The following ADCY10 variants were observed in gnomAD, a reference collection of about 807,000 sequenced individuals.
ADCY10 encodes adenylate cyclase 10.
ADCY10 carries 156 observed loss-of-function variants against 183.3 expected under a neutral mutation model. The ratio of observed to expected loss-of-function variants is 0.85; its 90% confidence interval spans 0.75 to 0.97. ADCY10 has a LOEUF of 0.97. Among genes scored for constraint, ADCY10 ranks in the 50% least tolerant of loss-of-function variants. ADCY10 has a pLI of 0.00. For missense variants in ADCY10, 1,745 were observed against 1,934.3 expected (o/e 0.90, Z 1.84); for synonymous variants, 645 against 670.0 (o/e 0.96, Z 0.58).
chr1:167,850,695 G>GTA (rs1558185268), intron 18 of ADCY10, among the ~76,000 whole-genome samples: 3 of 142,108 alleles, frequency 2.1e-5, no homozygotes, highest in Admixed American at 7.4e-5. Context: ...GTGTGTGTGT[G>GTA]TGTGTGTGTG....
At chr1:167,818,829 T>C (rs992338691) in intron 30 of ADCY10, among the ~76,000 whole-genome samples, 1 of 152,136 alleles carries the variant, frequency 6.6e-6, no homozygotes, top group African/African-American at 2.4e-5. Context: ...TGTGCCACCA[T>C]GCCCGGCCAC....
chr1:167,878,385 C>T, intron 12 of ADCY10, 61 bp downstream of exon 12: 1 of 1,562,342 alleles, frequency 6.4e-7, no homozygotes. Context: ...GACTGCTTTG[C>T]TATCATAATT....
At chr1:167,862,526 G>T (rs1204776740) in intron 14 of ADCY10, among the ~76,000 whole-genome samples, 1 of 152,118 alleles carries the variant, frequency 6.6e-6, no homozygotes, top group Non-Finnish European at 1.5e-5. Context: ...AAGATGCCTT[G>T]ATCTCAGACT....
chr1:167,870,857 C>T (rs1399754864), intron 13 of ADCY10, among the ~76,000 whole-genome samples: 1 of 150,722 alleles, frequency 6.6e-6, no homozygotes, highest in Admixed American at 6.6e-5. Flanking sequence ...CACAGACTTT[C>T]TTCAAGCCTT....
intron 18 of ADCY10, among the ~76,000 whole-genome samples, chr1:167,851,368 G>T (rs559371369): frequency 6.6e-6 from 1 of 151,916 alleles, no homozygotes; most frequent in Non-Finnish European, 1.5e-5. Flanking sequence ...TGTATTTTTA[G>T]TAGAGATGGG....
chr1:167,831,795 A>C (rs749125623), intron 25 of ADCY10, among the ~76,000 whole-genome samples: 1 of 152,180 alleles, frequency 6.6e-6, no homozygotes, highest in Non-Finnish European at 1.5e-5. Flanking sequence ...ATATGTCCTA[A>C]ATATTTCATA....
rs1417723662 is a variant in ADCY10, at chr1:167,896,620, A to G, written c.714T>C (p.His238=). The stretch of plus-strand genomic sequence containing the variant: ...TTTTGTGCTCACCAGAAGGATAATA[A>G]TGCATGAAGGTCGTACACTTTGTGA... ...EFFTKCTTFM[H]YYPSGEHKNL... Residue 238 remains histidine, a synonymous_variant, in exon 7 of 33, where the codon CAT becomes CAC. Transcript: ENST00000367851. 1 of 1,613,506 alleles carries G rather than the reference A, an allele frequency of 6.2e-7. No individual in the cohort carries two copies.
At position 167,824,567 on chromosome 1, in the gene ADCY10, G is replaced by A. The variant is rs1663137907; in HGVS notation, c.3961C>T (p.Arg1321Ter). 1.2e-6 allele frequency: 2 copies of A among 1,614,130 alleles called. No individual in the cohort carries two copies. Among genetic ancestry groups the A allele is most frequent in the African/African-American group, 1.3e-5 (1 of 75,024 alleles). Residue 1321 changes from arginine (R) to a stop codon, truncating the protein, a stop_gained, in exon 28 of 33, where the codon CGA (arginine) becomes TGA (stop). Transcript: ENST00000367851. LOFTEE classifies it high-confidence loss of function. ...AGCAGTGCCCACATCTGAAGGGCTC[G>A]GGAGCCTGGGAAGAAAACAATTCCA... The part of the protein sequence containing the change: ...HLDLAIELGS[R>*]ALQMWALLQN...
At position 167,833,162 on chromosome 1, in the gene ADCY10, C is replaced by T. The variant is rs370900293; in HGVS notation, c.3418G>A (p.Val1140Ile). ...SATFYSLKGE[V>I]CFNMGQIVLA... ...ACTATCTGGCCCATATTGAAACAGACCTACAGGGAGGTGGGAGGGAAGAGA... is the reference window on the plus strand; with the variant it reads ...ACTATCTGGCCCATATTGAAACAGATCTACAGGGAGGTGGGAGGGAAGAGA... The change falls in exon 25 of 33, where the codon GTC (valine) becomes ATC (isoleucine). Residue 1140 changes from valine (V) to isoleucine (I), a missense_variant and splice_region_variant. By Grantham distance (29) the Val-to-Ile change is conservative. Transcript: ENST00000367851. 1.9e-6 allele frequency: 3 copies of T among 1,613,922 alleles called. No homozygotes were observed. The African/African-American group carries it at 4.0e-5, about 22-fold the overall frequency.
In ADCY10 at chr1:167,901,815, G is replaced by C. The variant is rs1316478022; in HGVS notation, c.293-10C>G. The C allele has an allele frequency of 1.2e-6, 2 of 1,614,060 alleles. No individual in the cohort carries two copies. Among genetic ancestry groups the C allele is most frequent in the Admixed American group, 1.7e-5 (1 of 60,008 alleles). The stretch of plus-strand genomic sequence containing the variant: ...GCTAGCAGTGCATCACCTTCAGAGA[G>C]AGACATGCCGCGGGCTTTTGACCTG... On this transcript the variant is annotated splice_polypyrimidine_tract_variant and intron_variant, in intron 4 of 32. Coordinates refer to ENST00000367851, the MANE Select transcript of ADCY10 (RefSeq NM_018417.6).
At chr1:167,860,363 G>T (rs1259772748) in intron 15 of ADCY10, among the ~76,000 whole-genome samples, 1 of 152,200 alleles carries the variant, frequency 6.6e-6, no homozygotes, top group African/African-American at 2.4e-5. Context: ...AGAATCTAAT[G>T]CTGCTGCTGA....
chr1:167,889,671 G>A (rs1571415464), intron 8 of ADCY10, among the ~76,000 whole-genome samples: 1 of 152,258 alleles, frequency 6.6e-6, no homozygotes, highest in African/African-American at 2.4e-5. Context: ...CAAGTCTTTG[G>A]TAGAATTCAG....
chr1:167,841,502 CT>C (rs71100905), intron 21 of ADCY10, among the ~76,000 whole-genome samples: 259 of 90,896 alleles, frequency 2.8e-3, no homozygotes, highest in East Asian at 0.015. Flanking sequence ...ATATGCTTTC[CT>C]TTTTTTTTTT....
At position 167,856,434 on chromosome 1, in the gene ADCY10, C is replaced by G. The variant is rs146639825; in HGVS notation, c.1902G>C (p.Val634=). 1 of 1,614,042 alleles carries G rather than the reference C, an allele frequency of 6.2e-7. No homozygotes were observed. The highest frequency in any genetic ancestry group is 1.3e-5 in the African/African-American group (1 of 74,914). ...TGATAAAAATAATCCTTTCCTCTTTCACTATCTGGACAAGATGCAGAAAGA... is the reference window on the plus strand; with the variant it reads ...TGATAAAAATAATCCTTTCCTCTTTGACTATCTGGACAAGATGCAGAAAGA... ...ILFMKILKLI[V]KEERIIFIID... Residue 634 remains valine, a synonymous_variant, in exon 17 of 33, where the codon GTG becomes GTC. Transcript: ENST00000367851.
At chr1:167,843,480 G>A (rs1161322419) in intron 21 of ADCY10, among the ~76,000 whole-genome samples, 1 of 151,266 alleles carries the variant, frequency 6.6e-6, no homozygotes, top group African/African-American at 2.4e-5. Flanking sequence ...CTTTGAATAG[G>A]GCCCTGTGTG....
intron 6 of ADCY10, among the ~76,000 whole-genome samples, chr1:167,897,517 G>GTATATATA (rs1415937620): frequency 4.3e-5 from 3 of 69,004 alleles, no homozygotes; most frequent in African/African-American, 2.1e-4. Context: ...ATATATATAT[G>GTATATATA]TATATATATA....
chr1:167,905,234 A>G, intron 1 of ADCY10, 36 bp from the exon 2 acceptor site: 1 of 1,389,002 alleles, frequency 7.2e-7, no homozygotes. Flanking sequence ...AATCTGATAT[A>G]TTCATTTGCT....
intron 25 of ADCY10, 31 bp from the exon 26 acceptor site, chr1:167,829,454 T>C (rs1663554169): frequency 3.1e-6 from 5 of 1,613,464 alleles, no homozygotes; most frequent in Non-Finnish European, 4.2e-6. Flanking sequence ...AAATGGAACA[T>C]GAAAGGTATC....
intron 23 of ADCY10, 72 bp from the exon 24 acceptor site, chr1:167,834,149 A>G (rs1384708313): frequency 8.8e-7 from 1 of 1,134,860 alleles, no homozygotes. Flanking sequence ...CCATTGCCCC[A>G]GACTCTACTG....
Sources: allele counts gnomAD v4.1 joint callset (sites outside exome capture counted in the v4.1 genomes callset), GRCh38; gene constraint gnomAD v4.1.1; transcripts MANE v1.5; gene names NCBI Gene and HGNC (gene_info 2026-07-23, HGNC 2026-07-21).